PRRC2B: variants seen among roughly 807,000 people sequenced by gnomAD.
PRRC2B encodes proline rich coiled-coil 2B.
A neutral mutation model predicts 242.3 loss-of-function variants in PRRC2B; 68 were observed. That is an observed-to-expected ratio of 0.28 (90% CI 0.23 to 0.34). PRRC2B has a LOEUF of 0.34. Ranked by LOEUF, PRRC2B falls within the 10% of genes least tolerant of loss-of-function variation. The pLI is 1.00. For synonymous variants in PRRC2B, 1,228 were observed against 1,173.6 expected (o/e 1.05, Z -0.95); for missense variants, 2,835 against 2,954.8 (o/e 0.96, Z 0.94).
Position 131,397,563 on chromosome 9 carries a change from G to GT in PRRC2B, c.-52+3321dup, listed in dbSNP as rs58424444. Reference sequence around the variant, plus strand: ...GGATTATTTTATTGTACTTTTGAGGGTTTTTTTTTTTTTTTTTTTTTGCCT... The same window carrying GT: ...GGATTATTTTATTGTACTTTTGAGGGTTTTTTTTTTTTTTTTTTTTTTGCCT... On this transcript the variant is annotated intron_variant, in intron 1 of 31. Coordinates refer to ENST00000683519, the MANE Select transcript of PRRC2B (RefSeq NM_013318.4). Among the ~76,000 whole-genome samples, 124 of 98,956 alleles carry GT rather than the reference G, an allele frequency of 1.3e-3. 1 individual carries two copies. The highest frequency in any genetic ancestry group is 4.6e-3 in the African/African-American group (111 of 23,920). 64.9% of individuals were successfully genotyped at this position (98,956 alleles called of 152,430 possible).
At position 131,476,163 on chromosome 9, in the gene PRRC2B, T is replaced by C. The variant is rs1403315165; in HGVS notation, c.4034T>C (p.Leu1345Pro). The C allele has an allele frequency of 6.2e-7, 1 of 1,613,078 alleles. No individual in the cohort carries two copies. Among genetic ancestry groups the C allele is most frequent in the Non-Finnish European group, 8.5e-7 (1 of 1,179,740 alleles). ...LAGQWPGRPK[L>P]CSGDKSGTVG... ...GGTCAGTGGCCAGGCAGGCCCAAAC[T>C]GTGTTCTGGGGACAAGAGTGGCACT... The change falls in exon 16 of 32, where the codon CTG becomes CCG. Residue 1345 changes from leucine (L) to proline (P), a missense_variant. Physicochemically the swap from Leu to Pro is moderately conservative, Grantham distance 98. Coordinates refer to ENST00000683519, the MANE Select transcript of PRRC2B (RefSeq NM_013318.4).
intron 1 of PRRC2B, among the ~76,000 whole-genome samples, chr9:131,412,156 A>G (rs1344218226): frequency 6.6e-6 from 1 of 152,162 alleles, no homozygotes; most frequent in Admixed American, 6.6e-5. Context: ...ATGTTTGCTC[A>G]TCTACGTTGA....
At chr9:131,474,190 A>G (rs1160889854) in intron 15 of PRRC2B, among the ~76,000 whole-genome samples, 1 of 152,068 alleles carries the variant, frequency 6.6e-6, no homozygotes, top group East Asian at 1.9e-4. Flanking sequence ...TGCGGCCACG[A>G]CAGTCTTCAC....
chr9:131,428,100 T>G (rs1426088131), intron 1 of PRRC2B, among the ~76,000 whole-genome samples: 1 of 151,952 alleles, frequency 6.6e-6, no homozygotes, highest in Non-Finnish European at 1.5e-5. Flanking sequence ...TTTTGTATTT[T>G]TAGTAGAAAC....
intron 11 of PRRC2B, among the ~76,000 whole-genome samples, chr9:131,463,146 G>A (rs1161897164): frequency 2.0e-5 from 3 of 152,096 alleles, no homozygotes; most frequent in Non-Finnish European, 4.4e-5. Flanking sequence ...CCTCAGGTTC[G>A]ATGGCAAAGT....
intron 9 of PRRC2B, among the ~76,000 whole-genome samples, chr9:131,451,445 A>G (rs781304863): frequency 2.0e-5 from 3 of 152,264 alleles, no homozygotes; most frequent in Non-Finnish European, 4.4e-5. Context: ...CACTGGTACC[A>G]GACACTTTGT....
chr9:131,397,600 C>T (rs537185270), intron 1 of PRRC2B, among the ~76,000 whole-genome samples: 3 of 116,644 alleles, frequency 2.6e-5, no homozygotes, highest in African/African-American at 3.5e-5. Flanking sequence ...GCACAAAGTA[C>T]TGACTCATGT....
At chr9:131,468,620 C>T (rs914799489) in intron 13 of PRRC2B, among the ~76,000 whole-genome samples, 1 of 152,024 alleles carries the variant, frequency 6.6e-6, no homozygotes, top group Non-Finnish European at 1.5e-5. Flanking sequence ...GTAGTCAATA[C>T]TAAGGAATAG....
At chr9:131,491,804 C>T (rs1002428333) in intron 29 of PRRC2B, among the ~76,000 whole-genome samples, 1 of 152,208 alleles carries the variant, frequency 6.6e-6, no homozygotes, top group Non-Finnish European at 1.5e-5. Flanking sequence ...CCCAGCTCCC[C>T]AGGAGGCCCT....
At chr9:131,488,691 C>G (rs1300621674) in intron 28 of PRRC2B, among the ~76,000 whole-genome samples, 1 of 152,136 alleles carries the variant, frequency 6.6e-6, no homozygotes, top group East Asian at 1.9e-4. Context: ...GTTAAGAGTC[C>G]TCTTTGTGTA....
At chr9:131,388,788 C>G (rs1836859467) in intron 1 of PRRC2B, among the ~76,000 whole-genome samples, 1 of 149,530 alleles carries the variant, frequency 6.7e-6, no homozygotes, top group South Asian at 2.1e-4. Context: ...GTGATCCGCC[C>G]TCCTTGGACT....
intron 1 of PRRC2B, among the ~76,000 whole-genome samples, chr9:131,405,530 G>C (rs1837339003): frequency 6.6e-6 from 1 of 152,102 alleles, no homozygotes; most frequent in Admixed American, 6.6e-5. Flanking sequence ...CAACCTCTTG[G>C]CGTCACTTGC....
chr9:131,407,730 GTTGA>G (rs1837403455), intron 1 of PRRC2B, among the ~76,000 whole-genome samples: 1 of 152,150 alleles, frequency 6.6e-6, no homozygotes. Flanking sequence ...TCTCGGCTGA[GTTGA>G]TGAACGTCTC....
At chr9:131,388,531 C>T (rs1001558460) in intron 1 of PRRC2B, among the ~76,000 whole-genome samples, 11 of 149,284 alleles carry the variant, frequency 7.4e-5, no homozygotes, top group Admixed American at 3.5e-4. Context: ...TGTGCCACCA[C>T]GCCCAGCACT....
chr9:131,477,958 T>C lies in PRRC2B; in HGVS notation c.4612+9T>C. 6.2e-7 allele frequency: 1 copy of C among 1,611,580 alleles called. No homozygotes were observed. Among genetic ancestry groups the C allele is most frequent in the Non-Finnish European group, 8.5e-7 (1 of 1,177,776 alleles). ...TGACCTGAACTATGGAAGTAAGTCA[T>C]CCTCATATCTTCAGGGGAAAGAACT... On this transcript the variant is annotated intron_variant, in intron 17 of 31. Transcript: ENST00000683519.
At chr9:131,397,325 C>G (rs1837090180) in intron 1 of PRRC2B, among the ~76,000 whole-genome samples, 1 of 152,206 alleles carries the variant, frequency 6.6e-6, no homozygotes. Context: ...TCTCCAGCCT[C>G]CACTGGGCCC....
chr9:131,471,510 T>C (rs1943544773), intron 14 of PRRC2B, among the ~76,000 whole-genome samples: 2 of 152,246 alleles, frequency 1.3e-5, no homozygotes, highest in Admixed American at 6.5e-5. Context: ...TCAGATAATA[T>C]GGTCTGTGTG....
At chr9:131,489,114 T>A (rs888426175) in intron 28 of PRRC2B, among the ~76,000 whole-genome samples, 5 of 151,686 alleles carry the variant, frequency 3.3e-5, no homozygotes, top group Non-Finnish European at 7.4e-5. Flanking sequence ...ATCTCAACTC[T>A]CAGTGTCCCT....
chr9:131,475,103 G>A lies in PRRC2B; in HGVS notation c.2974G>A (p.Asp992Asn), dbSNP rs570131537. 8.5e-5 allele frequency: 137 copies of A among 1,611,722 alleles called. No individual in the cohort carries two copies. Among genetic ancestry groups the A allele is most frequent in the Middle Eastern group, 3.3e-4 (2 of 6,058 alleles). Residue 992 changes from aspartate (D) to asparagine (N), a missense_variant, in exon 16 of 32, where the codon GAT (aspartate) becomes AAT (asparagine). Around this residue, in one of 7 missense-constraint regions of PRRC2B, gnomAD observed 1,536 missense variants for 1,483.1 expected, o/e 1.04. Transcript: ENST00000683519. ...TAEKDEDEEN[D>N]ASLANSSTTT... ...AGAAAAGGATGAGGACGAAGAGAAC[G>A]ATGCCTCTCTGGCCAACTCCTCCAC...
Sources: allele counts gnomAD v4.1 joint callset (sites outside exome capture counted in the v4.1 genomes callset), GRCh38; gene constraint gnomAD v4.1.1; regional missense constraint gnomAD v4.1.1; transcripts MANE v1.5; gene names NCBI Gene and HGNC (gene_info 2026-07-23, HGNC 2026-07-21).